Variants in STAU2 observed in about 807,000 individuals in gnomAD.
STAU2 encodes the protein staufen double-stranded RNA binding protein 2.
A neutral mutation model predicts 65.9 loss-of-function variants in STAU2; 20 were observed. The ratio of observed to expected loss-of-function variants is 0.30; its 90% CI spans 0.21 to 0.44. STAU2 has a LOEUF of 0.44. Ranked by LOEUF, STAU2 falls within the 20% of genes least tolerant of loss-of-function variation. The pLI, the probability that STAU2 is intolerant of heterozygous loss-of-function variation, is 1.00. For synonymous variants in STAU2, 232 were observed against 233.9 expected (o/e 0.99, Z 0.07); for missense variants, 558 against 683.9 (o/e 0.82, Z 2.05).
chr8:73,581,484 T>C (rs780174002), intron 12 of STAU2, among the ~76,000 whole-genome samples: 10 of 152,192 alleles, frequency 6.6e-5, no homozygotes, highest in Non-Finnish European at 1.3e-4. Flanking sequence ...CAACATTCAT[T>C]ACGTGCTTAC....
chr8:73,657,779 C>T lies in STAU2; in HGVS notation c.410+15328G>A, dbSNP rs188861892. 5.9e-3 allele frequency among the ~76,000 whole-genome samples: 891 copies of T among 151,254 alleles called. 7 individuals carry two copies. Among genetic ancestry groups the T allele is most frequent in the African/African-American group, 0.021 (854 of 41,188 alleles). On this transcript the variant is annotated intron_variant, in intron 6 of 14. Transcript: ENST00000524300. Reference sequence around the variant, plus strand: ...CTGTAATCCCAGCACTTTGGGAGGCCGAGGTAGGCAGATCACCTGAGGTCA... The same window carrying T: ...CTGTAATCCCAGCACTTTGGGAGGCTGAGGTAGGCAGATCACCTGAGGTCA...
intron 13 of STAU2, among the ~76,000 whole-genome samples, chr8:73,507,959 T>C (rs1177034921): frequency 6.6e-6 from 1 of 152,206 alleles, no homozygotes; most frequent in Non-Finnish European, 1.5e-5. Flanking sequence ...TCAGTCTTCA[T>C]GGAATTGAAG....
Position 73,494,979 on chromosome 8 carries a change from T to A in STAU2, c.1530+57033A>T, listed in dbSNP as rs9918746. Among the ~76,000 whole-genome samples the A allele has an allele frequency of 9.4e-3, 1,422 of 151,752 alleles. 23 individuals are homozygous for A. Among genetic ancestry groups the A allele is most frequent in the African/African-American group, 0.033 (1,356 of 41,510 alleles). On this transcript the variant is annotated intron_variant, in intron 13 of 14. Coordinates refer to ENST00000524300, the MANE Select transcript of STAU2 (RefSeq NM_001164380.2). ...AGATACTGCAAAGCCCAGAAGGTCA[T>A]GTGTAATTAAGCACATATTCTCCGG...
intron 11 of STAU2, among the ~76,000 whole-genome samples, chr8:73,591,154 TA>T (rs1408955777): frequency 6.6e-6 from 1 of 152,108 alleles, no homozygotes; most frequent in East Asian, 1.9e-4. Context: ...TTTAATCACT[TA>T]AAAAGATAAC....
At chr8:73,622,693 G>A (rs1470752457) in intron 6 of STAU2, among the ~76,000 whole-genome samples, 5 of 152,192 alleles carry the variant, frequency 3.3e-5, no homozygotes, top group Non-Finnish European at 7.3e-5. Context: ...TCTAAAGTAA[G>A]GCCCACTGAT....
At chr8:73,590,955 A>T (rs1180648688) in intron 11 of STAU2, 1 of 152,204 alleles carries the variant, frequency 6.6e-6, no homozygotes, top group African/African-American at 2.4e-5. Context: ...TGAAATAAAG[A>T]CTTTTTTGGC....
intron 13 of STAU2, among the ~76,000 whole-genome samples, chr8:73,536,598 T>C (rs1413235902): frequency 6.6e-6 from 1 of 152,096 alleles, no homozygotes; most frequent in East Asian, 1.9e-4. Context: ...GAGTTAGGAT[T>C]TTCATCCCTG....
chr8:73,624,349 T>C (rs908968033), intron 6 of STAU2, among the ~76,000 whole-genome samples: 2 of 152,198 alleles, frequency 1.3e-5, no homozygotes, highest in Non-Finnish European at 2.9e-5. Flanking sequence ...AGAGCCCCAT[T>C]ATTGTAAACA....
chr8:73,558,049 T>C (rs1464228074), intron 12 of STAU2, among the ~76,000 whole-genome samples: 1 of 152,184 alleles, frequency 6.6e-6, no homozygotes, highest in Non-Finnish European at 1.5e-5. Context: ...TCTCCCAAGG[T>C]CATATGGATA....
chr8:73,692,320 C>T (rs1214069854), intron 4 of STAU2, among the ~76,000 whole-genome samples: 1 of 152,124 alleles, frequency 6.6e-6, no homozygotes, highest in Non-Finnish European at 1.5e-5. Context: ...ACCTCAGCCC[C>T]CCAAGTAGCT....
chr8:73,469,473 TAA>T (rs11295928), intron 13 of STAU2, among the ~76,000 whole-genome samples: 149 of 142,684 alleles, frequency 1.0e-3, no homozygotes, highest in East Asian at 4.4e-3. Flanking sequence ...TATATATATT[TAA>T]AAAAAAAAAA....
chr8:73,638,518 T>TA (rs750824602), intron 6 of STAU2, among the ~76,000 whole-genome samples: 1 of 141,808 alleles, frequency 7.1e-6, no homozygotes, highest in Non-Finnish European at 1.5e-5. Context: ...TTTTTTTTTT[T>TA]AAAAAGAGTC....
chr8:73,667,905 G>A (rs148360983), intron 6 of STAU2, among the ~76,000 whole-genome samples: 222 of 152,286 alleles, frequency 1.5e-3, no homozygotes, highest in African/African-American at 5.0e-3. Context: ...TGAACCAAAT[G>A]TTCTGACTGT....
At chr8:73,663,268 T>C (rs1816976097) in intron 6 of STAU2, among the ~76,000 whole-genome samples, 1 of 152,224 alleles carries the variant, frequency 6.6e-6, no homozygotes, top group African/African-American at 2.4e-5. Context: ...AATTTCAATT[T>C]CATCTAAATG....
intron 3 of STAU2, 67 bp from the exon 4 acceptor site, chr8:73,709,229 T>C: frequency 7.7e-7 from 1 of 1,305,006 alleles, no homozygotes; most frequent in Non-Finnish European, 1.0e-6. Context: ...AAAACTAGTT[T>C]TGACTTTGAA....
At chr8:73,574,376 T>C (rs1809350543) in intron 12 of STAU2, among the ~76,000 whole-genome samples, 1 of 152,172 alleles carries the variant, frequency 6.6e-6, no homozygotes, top group African/African-American at 2.4e-5. Context: ...GAACTAGAAA[T>C]ACCATTTGAC....
intron 13 of STAU2, among the ~76,000 whole-genome samples, chr8:73,438,140 C>T (rs996872388): frequency 6.6e-6 from 1 of 152,148 alleles, no homozygotes; most frequent in Non-Finnish European, 1.5e-5. Context: ...CAGGACTGTG[C>T]TTATTTCCCT....
chr8:73,687,368 A>AATTT (rs1818979592), intron 5 of STAU2, among the ~76,000 whole-genome samples: 1 of 116,794 alleles, frequency 8.6e-6, no homozygotes, highest in Non-Finnish European at 1.7e-5. Context: ...ATATAAATAT[A>AATTT]ATTTATAATT....
intron 13 of STAU2, among the ~76,000 whole-genome samples, chr8:73,445,485 A>G (rs2128892495): frequency 6.6e-6 from 1 of 152,374 alleles, no homozygotes; most frequent in East Asian, 1.9e-4. Flanking sequence ...TTAAAACACA[A>G]TTACCATCAA....
Sources: gnomAD v4.1 joint callset for allele counts (sites outside exome capture counted in the v4.1 genomes callset) on GRCh38, gnomAD v4.1.1 for gene constraint, MANE v1.5 for transcripts, NCBI Gene and HGNC (gene_info 2026-07-23, HGNC 2026-07-21) for gene names.